The following MYO5C variants were observed in gnomAD, a reference collection of about 807,000 sequenced individuals.
MYO5C encodes the protein myosin VC.
In MYO5C, 194 loss-of-function variants were observed where a neutral mutation model predicts 235.7. That is an observed-to-expected ratio of 0.82 (90% CI 0.73 to 0.93). The LOEUF (loss-of-function observed/expected upper bound fraction) is 0.93. Ranked by LOEUF, MYO5C falls within the 40% of genes least tolerant of loss-of-function variation. The probability of loss-of-function intolerance (pLI) is 0.00; values close to 1 mark genes in which losing one functional copy is unlikely to be tolerated. For synonymous variants in MYO5C, 707 were observed against 754.8 expected, an observed-to-expected ratio of 0.94 and a Z score of 1.04; for missense variants, 2,038 against 2,127.2, an observed-to-expected ratio of 0.96 and a Z score of 0.82.
rs776713628 is a variant in MYO5C at position 52,194,060 on chromosome 15, A to ATT, written c.5077-8_5077-7dup. The stretch of plus-strand genomic sequence containing the variant: ...TCCCGGCTATTTAGGAGAGCCTGAA[A>ATT]TTAGAATCAGAGGAAAAATGAGTAA... On this transcript the variant is annotated splice_polypyrimidine_tract_variant and splice_region_variant and intron_variant, in intron 40 of 40. Coordinates refer to ENST00000261839, the MANE Select transcript of MYO5C (RefSeq NM_018728.4). The ATT allele has an allele frequency of 1.2e-6, 2 of 1,606,424 alleles. No individual in the cohort carries two copies. The highest frequency in any genetic ancestry group is 1.7e-6 in the Non-Finnish European group (2 of 1,177,990).
At chr15:52,278,756 C>T (rs773290822) in intron 4 of MYO5C, 117 bp downstream of exon 4, 10 of 1,269,800 alleles carry the variant, frequency 7.9e-6, no homozygotes, top group Non-Finnish European at 1.1e-5. Flanking sequence ...AAAGCACCAC[C>T]TCTGGCCTAT....
intron 28 of MYO5C, 117 bp downstream of exon 28, chr15:52,224,784 A>G (rs2035780799): frequency 1.3e-6 from 1 of 767,572 alleles, no homozygotes; most frequent in Admixed American, 2.7e-5. Flanking sequence ...GTGGTTATTC[A>G]GTCATTCTAC....
chr15:52,289,478 G>C (rs568086865), intron 1 of MYO5C, among the ~76,000 whole-genome samples: 4 of 152,182 alleles, frequency 2.6e-5, no homozygotes, highest in Non-Finnish European at 4.4e-5. Flanking sequence ...GACAGTGCTG[G>C]GCACCCCTCT....
rs1555422080 is a variant in MYO5C at position 52,291,737 on chromosome 15, T to TTTTTTG, written c.27+3872_27+3873insCAAAAA. Among the ~76,000 whole-genome samples the TTTTTTG allele has an allele frequency of 2.7e-5, 2 of 74,522 alleles. 1 individual carries two copies. The highest frequency in any genetic ancestry group is 6.2e-5 in the Non-Finnish European group (2 of 32,382). The allele number at this position is 74,522 out of a possible 152,430, so 48.9% of individuals were successfully genotyped here. Reference sequence around the variant, plus strand: ...CTTTGTTTGCATATTTTATGTTTTTTTTTTTTTTTTTTTTTTTTTGAGACA... The same window carrying TTTTTTG: ...CTTTGTTTGCATATTTTATGTTTTTTTTTTTGTTTTTTTTTTTTTTTTTTTGAGACA... On this transcript the variant is annotated intron_variant, in intron 1 of 40. Coordinates refer to ENST00000261839, the MANE Select transcript of MYO5C (RefSeq NM_018728.4).
intron 9 of MYO5C, among the ~76,000 whole-genome samples, chr15:52,263,879 C>G (rs753980341): frequency 7.2e-5 from 11 of 152,286 alleles, no homozygotes; most frequent in Non-Finnish European, 1.5e-4. Context: ...GGGCTTCTTG[C>G]TTTGTTTTGT....
At chr15:52,280,473 T>C (rs1452687409) in intron 2 of MYO5C, among the ~76,000 whole-genome samples, 1 of 152,240 alleles carries the variant, frequency 6.6e-6, no homozygotes, top group Non-Finnish European at 1.5e-5. Context: ...CTTTCCAATG[T>C]CAGAGTATTC....
intron 11 of MYO5C, 41 bp downstream of exon 11, chr15:52,256,598 C>CGCGT (rs2036591084): frequency 1.3e-6 from 2 of 1,507,828 alleles, no homozygotes; most frequent in African/African-American, 2.8e-5. Context: ...CGCGCGCGCG[C>CGCGT]GCGGCTGAGA....
chr15:52,228,605 A>G (rs999350273), intron 25 of MYO5C, among the ~76,000 whole-genome samples: 3 of 152,260 alleles, frequency 2.0e-5, no homozygotes, highest in East Asian at 1.9e-4. Context: ...AAGCTGATTA[A>G]CATGTTATCA....
intron 24 of MYO5C, 111 bp from the exon 25 acceptor site, chr15:52,229,424 A>C: frequency 6.1e-6 from 6 of 986,516 alleles, no homozygotes; most frequent in Non-Finnish European, 7.4e-6. Context: ...CAGGAGTTCA[A>C]GACTAGCCTG....
In MYO5C at chr15:52,225,469, G is replaced by T. The variant is rs1307965360; in HGVS notation, c.3271C>A (p.His1091Asn). ...ATTTCCCGTTTTTGTGACTGCACAT[G>T]TTTCTCCACATCTATCTTCTGTGCC... The part of the protein sequence containing the change: ...LQAQKIDVEK[H>N]VQSQKREMRE... The change falls in exon 26 of 41, where the codon CAT becomes AAT. Residue 1091 changes from histidine (H) to asparagine (N), a missense_variant. Coordinates refer to ENST00000261839, the MANE Select transcript of MYO5C (RefSeq NM_018728.4). 1.2e-6 allele frequency: 2 copies of T among 1,613,656 alleles called. No individual in the cohort carries two copies. The highest frequency in any genetic ancestry group is 2.2e-5 in the South Asian group (2 of 91,066).
rs1489987132 is a variant in MYO5C at position 52,192,416 on chromosome 15, A to ATAATATAAAAAGACATTATTATG, written c.*1463_*1485dup. 2.6e-5 allele frequency: 4 copies of ATAATATAAAAAGACATTATTATG among 152,204 alleles called. No individual in the cohort carries two copies. Among genetic ancestry groups the ATAATATAAAAAGACATTATTATG allele is most frequent in the Non-Finnish European group, 5.9e-5 (4 of 68,032 alleles). 9.4% of individuals were successfully genotyped at this position (152,204 alleles called of 1,614,324 possible). The stretch of plus-strand genomic sequence containing the variant: ...TGAAATGAACTAAACTCAATCACTT[A>ATAATATAAAAAGACATTATTATG]TAATATAAAAAGACATTATTATGTA... On this transcript the variant is annotated 3_prime_UTR_variant, in exon 41 of 41. Coordinates refer to ENST00000261839, the MANE Select transcript of MYO5C (RefSeq NM_018728.4).
At chr15:52,293,932 A>T (rs966735812) in intron 1 of MYO5C, among the ~76,000 whole-genome samples, 53 of 152,300 alleles carry the variant, frequency 3.5e-4, no homozygotes, top group Non-Finnish European at 2.2e-4. Flanking sequence ...AGAACAGACA[A>T]AATGGGGGCT....
At chr15:52,217,682 T>G (rs2035585880) in intron 32 of MYO5C, among the ~76,000 whole-genome samples, 1 of 152,222 alleles carries the variant, frequency 6.6e-6, no homozygotes, top group South Asian at 2.1e-4. Context: ...TTTCTCTTTT[T>G]GGATGTAACC....
chr15:52,246,768 C>T, intron 16 of MYO5C, 149 bp downstream of exon 16: 1 of 573,606 alleles, frequency 1.7e-6, no homozygotes, highest in Non-Finnish European at 3.1e-6. Flanking sequence ...GCTGAGCTAA[C>T]ATTTTATGTA....
rs550323403 is a variant in MYO5C, at chr15:52,226,535, A to C, written c.3208-1003T>G. ...TTTAAGGGCTCCAGCCCCTGTTTCT[A>C]CAGAGAGTAAGCAGGAGAATCAAAC... On this transcript the variant is annotated intron_variant, in intron 25 of 40. Transcript: ENST00000261839. Among the ~76,000 whole-genome samples, 3 of 152,318 alleles carry C rather than the reference A, an allele frequency of 2.0e-5. No homozygotes were observed. In the East Asian group the frequency reaches 5.8e-4, roughly 29 times the overall value.
intron 28 of MYO5C, 58 bp downstream of exon 28, chr15:52,224,843 C>G: frequency 6.9e-7 from 1 of 1,454,668 alleles, no homozygotes; most frequent in Non-Finnish European, 9.5e-7. Context: ...TTGGACTTTC[C>G]AATAGTCTAT....
Position 52,224,991 on chromosome 15 carries a change from A to T in MYO5C, c.3366-10T>A. 1 of 1,613,944 alleles carries T rather than the reference A, an allele frequency of 6.2e-7. No homozygotes were observed. Among genetic ancestry groups the T allele is most frequent in the South Asian group, 1.1e-5 (1 of 91,076 alleles). ...ATCTTCCACAGAGAGCCTGCAAAATAAGGAAGATAAGAAAATCTATCATCT... is the reference window on the plus strand; with the variant it reads ...ATCTTCCACAGAGAGCCTGCAAAATTAGGAAGATAAGAAAATCTATCATCT... On this transcript the variant is annotated splice_polypyrimidine_tract_variant and intron_variant, in intron 27 of 40. Transcript: ENST00000261839.
At chr15:52,276,983 CA>C (rs1290773032) in intron 4 of MYO5C, 18 of 401,074 alleles carry the variant, frequency 4.5e-5, no homozygotes, top group Non-Finnish European at 9.0e-5. Context: ...AATGGTGACT[CA>C]GGGGTGGAGT....
chr15:52,227,124 T>C (rs2035841056), intron 25 of MYO5C, among the ~76,000 whole-genome samples: 1 of 149,876 alleles, frequency 6.7e-6, no homozygotes, highest in Admixed American at 6.6e-5. Context: ...CACTCCAGCC[T>C]GGGTGACAAG....
Sources: allele counts gnomAD v4.1 joint callset (sites outside exome capture counted in the v4.1 genomes callset), GRCh38; gene constraint gnomAD v4.1.1; transcripts MANE v1.5; gene names NCBI Gene and HGNC (gene_info 2026-07-23, HGNC 2026-07-21).